MLXIPL: variants seen among roughly 807,000 people sequenced by gnomAD.
MLXIPL encodes the protein MLX interacting protein like, also known as carbohydrate-responsive element-binding protein.
In MLXIPL, 49 loss-of-function variants were observed where a neutral mutation model predicts 81.5. The observed-to-expected ratio is 0.60, with a 90% CI of 0.48 to 0.76. The LOEUF (loss-of-function observed/expected upper bound fraction) is 0.76, where lower values mean the gene tolerates loss of function less well. MLXIPL is among the 30% of genes least tolerant of loss of function. MLXIPL has a pLI of 0.00. For missense variants in MLXIPL, 1,053 were observed against 1,167.0 expected, an observed-to-expected ratio of 0.90 and a Z score of 1.42; for synonymous variants, 466 against 485.5, an observed-to-expected ratio of 0.96 and a Z score of 0.53.
At chr7:73,637,559 T>A in the MLXIPL span, among the ~76,000 whole-genome samples, 2 of 152,134 alleles carry the variant, frequency 1.3e-5, no homozygotes, top group African/African-American at 4.8e-5. Flanking sequence ...CACTCATATG[T>A]CCTTTGCCAA....
At chr7:73,620,563 A>ACCTCGT (rs1796280442) in intron 1 of MLXIPL, among the ~76,000 whole-genome samples, 2 of 144,446 alleles carry the variant, frequency 1.4e-5, no homozygotes, top group South Asian at 2.2e-4. Flanking sequence ...ACATGGTGAA[A>ACCTCGT]CTCCACCTGT....
chr7:73,593,896 A>G lies in MLXIPL; in HGVS notation c.2528T>C (p.Val843Ala). 1 of 1,614,114 alleles carries G rather than the reference A, an allele frequency of 6.2e-7. No individual in the cohort carries two copies. The highest frequency in any genetic ancestry group is 8.5e-7 in the Non-Finnish European group (1 of 1,179,988). The change falls in exon 17 of 17, where the codon GTC becomes GCC. Residue 843 changes from valine to alanine, a missense_variant. Around this residue, in one of 3 missense-constraint regions of MLXIPL, gnomAD observed 823 missense variants for 933.0 expected, o/e 0.88. Transcript: ENST00000313375. Reference protein sequence around the residue: ...GRIPEQATRAVTEGTLGKPL With the variant: ...GRIPEQATRAATEGTLGKPL Reference sequence around the variant, plus strand: ...AGGTTTGCCAAGGGTGCCCTCTGTGACTGCCCGTGTGGCTTGCTCAGGGAT... The same window carrying G: ...AGGTTTGCCAAGGGTGCCCTCTGTGGCTGCCCGTGTGGCTTGCTCAGGGAT...
Position 73,624,442 on chromosome 7 carries a change from G to T in MLXIPL, c.51C>A (p.Val17=). Residue 17 remains valine (V), a synonymous_variant, in exon 1 of 17, where the codon GTC becomes GTA. Coordinates refer to ENST00000313375, the MANE Select transcript of MLXIPL (RefSeq NM_032951.3). The part of the protein sequence containing the change: ...GLAAGLQVPR[V]APSPDSDSDT... Reference sequence around the variant, plus strand: ...CCGAGTCCGAGTCTGGGCTGGGCGCGACCCGCGGGACCTGCAAGCCCGCGG... The same window carrying T: ...CCGAGTCCGAGTCTGGGCTGGGCGCTACCCGCGGGACCTGCAAGCCCGCGG... The T allele has an allele frequency of 1.3e-6, 2 of 1,553,724 alleles. No individual in the cohort carries two copies. The highest frequency in any genetic ancestry group is 2.3e-5 in the South Asian group (2 of 86,030).
chr7:73,642,428 T>C, the MLXIPL span, among the ~76,000 whole-genome samples: 56 of 152,256 alleles, frequency 3.7e-4, no homozygotes, highest in African/African-American at 1.3e-3. Flanking sequence ...CTTGGCTCAC[T>C]GTAACCTTCA....
At chr7:73,626,851 G>A (rs1383598877), upstream of MLXIPL, among the ~76,000 whole-genome samples, 3 of 152,138 alleles carry the variant, frequency 2.0e-5, no homozygotes, top group Non-Finnish European at 4.4e-5. Context: ...GGAAAGCGGA[G>A]GAGGTGGTTT....
chr7:73,607,267 G>A, intron 4 of MLXIPL, 64 bp downstream of exon 4: 2 of 1,482,150 alleles, frequency 1.3e-6, no homozygotes, highest in Non-Finnish European at 1.8e-6. Flanking sequence ...ATCTTCCGAG[G>A]CGGGCGGTAG....
At chr7:73,631,578 T>A in the MLXIPL span, among the ~76,000 whole-genome samples, 15 of 142,364 alleles carry the variant, frequency 1.1e-4, no homozygotes, top group Admixed American at 4.9e-4. Context: ...TTTTTTTTTT[T>A]TTTTTTTTAG....
Position 73,596,610 on chromosome 7 carries a change from C to G in MLXIPL, c.1822+29G>C. 6.2e-7 allele frequency: 1 copy of G among 1,603,792 alleles called. No individual in the cohort carries two copies. Among genetic ancestry groups the G allele is most frequent in the Non-Finnish European group, 8.5e-7 (1 of 1,175,604 alleles). On this transcript the variant is annotated intron_variant, in intron 11 of 16. Transcript: ENST00000313375. The surrounding 1 kb of genome is among the most constrained non-coding windows in gnomAD (Gnocchi z 4.7). ...TCCTCTTCCCCTCATCCCCTAGATT[C>G]CCCCAATCCCTGCAACCCCTCTCTT...
intron 1 of MLXIPL, among the ~76,000 whole-genome samples, chr7:73,617,256 T>C (rs1177060730): frequency 6.6e-6 from 1 of 152,016 alleles, no homozygotes; most frequent in African/African-American, 2.4e-5. Flanking sequence ...TGACCTCAAG[T>C]GATCTGCCCA....
chr7:73,647,163 GC>G, the MLXIPL span, among the ~76,000 whole-genome samples: 2 of 152,166 alleles, frequency 1.3e-5, no homozygotes, highest in African/African-American at 4.8e-5. Context: ...CTGGGAGGAA[GC>G]CCTGGCTTTC....
chr7:73,645,105 C>T, the MLXIPL span, among the ~76,000 whole-genome samples: 1 of 152,092 alleles, frequency 6.6e-6, no homozygotes, highest in Non-Finnish European at 1.5e-5. Context: ...TAGCTCACTG[C>T]AGCCTCAAAC....
chr7:73,627,638 C>T (rs1319250792), upstream of MLXIPL, among the ~76,000 whole-genome samples: 1 of 152,068 alleles, frequency 6.6e-6, no homozygotes, highest in Non-Finnish European at 1.5e-5. Flanking sequence ...TGGCTTCTCC[C>T]CCTATTCCTC....
In MLXIPL at chr7:73,596,916, G is replaced by A. The variant is rs113368872; in HGVS notation, c.1620C>T (p.Ala540=). Residue 540 remains alanine, a synonymous_variant, in exon 10 of 17, where the codon GCC becomes GCT. Transcript: ENST00000313375. This position sits in a 1 kb window ranked among gnomAD's most constrained non-coding sequence, Gnocchi z 4.7. ...TGCTGGATACAAGTGGTGGCTCCAG[G>A]GCTTGCTCCGGCTTAGCTGTGCACG... is the stretch of plus-strand genomic sequence containing the variant. The part of the protein sequence containing the change: ...QLLTAAKPEQ[A]LEPPLVSSTL... The A allele has an allele frequency of 2.9e-5, 47 of 1,609,870 alleles. 1 individual carries two copies. The highest frequency in any genetic ancestry group is 2.8e-4 in the African/African-American group (21 of 74,948).
At chr7:73,627,392 G>T (rs1381970151), upstream of MLXIPL, among the ~76,000 whole-genome samples, 1 of 151,996 alleles carries the variant, frequency 6.6e-6, no homozygotes, top group Non-Finnish European at 1.5e-5. Flanking sequence ...GGGATTACAG[G>T]CGTGTAACAC....
chr7:73,595,444 C>A (rs545386920), intron 15 of MLXIPL, among the ~76,000 whole-genome samples, 193 bp downstream of exon 15: 10 of 152,280 alleles, frequency 6.6e-5, no homozygotes, highest in African/African-American at 2.4e-4. Context: ...TGCTCCCAGC[C>A]CCCCATCCCT....
At chr7:73,597,064 T>C in intron 9 of MLXIPL, 118 bp downstream of exon 9, 7 of 1,448,180 alleles carry the variant, frequency 4.8e-6, no homozygotes, top group Non-Finnish European at 5.6e-6. Flanking sequence ...TCCTTGCCAC[T>C]CTGTCCCTTG....
At position 73,599,711 on chromosome 7, in the gene MLXIPL, A is replaced by G. The variant is rs1554595473; in HGVS notation, c.902-16T>C. ...GTAAAGAAATCTGTAATTCAGACAC[A>G]CAGGGCAACAGCAGTTAGGGCCAGG... On this transcript the variant is annotated splice_polypyrimidine_tract_variant and intron_variant, in intron 7 of 16. Transcript: ENST00000313375. 4 of 1,598,996 alleles carry G rather than the reference A, an allele frequency of 2.5e-6. No homozygotes were observed. Among genetic ancestry groups the G allele is most frequent in the South Asian group, 1.1e-5 (1 of 88,214 alleles).
intron 7 of MLXIPL, among the ~76,000 whole-genome samples, chr7:73,600,377 G>A (rs1794694405): frequency 7.9e-6 from 1 of 126,660 alleles, no homozygotes; most frequent in South Asian, 2.7e-4. Flanking sequence ...GTGGGATGGG[G>A]GTGAGGGGGG....
At chr7:73,614,094 GC>G (rs1305276105) in intron 2 of MLXIPL, among the ~76,000 whole-genome samples, 2 of 152,120 alleles carry the variant, frequency 1.3e-5, no homozygotes, top group Non-Finnish European at 2.9e-5. Flanking sequence ...AGTTCTTCTT[GC>G]CCCAGGAGAG....
Sources: gnomAD v4.1 joint callset for allele counts (sites outside exome capture counted in the v4.1 genomes callset) on GRCh38, gnomAD v4.1.1 for gene constraint, gnomAD v4.1.1 regional missense constraint, Gnocchi (gnomAD v3.1) non-coding constraint, MANE v1.5 for transcripts, NCBI Gene and HGNC (gene_info 2026-07-23, HGNC 2026-07-21) for gene names.